Variants in CA2 observed in about 807,000 individuals in gnomAD.
The protein encoded by CA2 is carbonate dehydratase II.
A neutral mutation model predicts 27.8 loss-of-function variants in CA2; 23 were observed. The observed-to-expected ratio is 0.83, with a 90% CI of 0.59 to 1.17. The LOEUF is 1.17. CA2 is among the 50% of genes most tolerant of loss of function. The pLI, the probability that CA2 is intolerant of heterozygous loss-of-function variation, is 0.00. For synonymous variants in CA2, 99 were observed against 114.9 expected, an observed-to-expected ratio of 0.86 and a Z score of 0.88; for missense variants, 300 against 314.7, an observed-to-expected ratio of 0.95 and a Z score of 0.35.
chr8:85,468,756 C>T lies in CA2; in HGVS notation c.232+3287C>T, dbSNP rs185085658. Among the ~76,000 whole-genome samples the T allele has an allele frequency of 1.4e-3, 207 of 151,664 alleles. 1 individual carries two copies. The highest frequency in any genetic ancestry group is 4.9e-3 in the African/African-American group (201 of 41,082). On this transcript the variant is annotated intron_variant, in intron 2 of 6. Transcript: ENST00000285379. ...GCCTGGTGACAGAACGAGACTCCAT[C>T]TCAAAACAAACAAACAAACAAAAAA...
intron 6 of CA2, among the ~76,000 whole-genome samples, chr8:85,480,427 T>TTG (rs1218759940): frequency 7.7e-4 from 109 of 142,012 alleles, no homozygotes; most frequent in East Asian, 7.6e-3. Context: ...TGTTTAATTT[T>TTG]TGTGTGTGTG....
intron 1 of CA2, chr8:85,464,540 C>T (rs1811591134): frequency 6.4e-6 from 1 of 156,010 alleles, no homozygotes; most frequent in African/African-American, 2.5e-5. Context: ...CCCCCCTCCC[C>T]CACCTTCCAC....
rs1811698381 is a variant in CA2, at chr8:85,470,448, GTTTA to G, written c.233-3239_233-3236del. On this transcript the variant is annotated intron_variant, in intron 2 of 6. Coordinates refer to ENST00000285379, the MANE Select transcript of CA2 (RefSeq NM_000067.3). ...TTTAAACTAAAGATTACTGGGACTAGTTTATTTATATTTTGGACTTAGGAGAAAC... is the reference window on the plus strand; with the variant it reads ...TTTAAACTAAAGATTACTGGGACTAGTTTATATTTTGGACTTAGGAGAAAC... Among the ~76,000 whole-genome samples the G allele has an allele frequency of 3.3e-5, 5 of 152,060 alleles. No homozygotes were observed. In the South Asian group the frequency reaches 1.0e-3, roughly 31 times the overall value.
At chr8:85,474,288 A>G (rs1370783984) in intron 3 of CA2, 36 bp from the exon 4 acceptor site, 1 of 1,425,492 alleles carries the variant, frequency 7.0e-7, no homozygotes. Flanking sequence ...TTGATTATGT[A>G]AATCACTCAC....
In CA2 at chr8:85,481,216, T is replaced by C. The variant is rs1811886225; in HGVS notation, c.*427T>C. 6.2e-6 allele frequency: 1 copy of C among 160,868 alleles called. No homozygotes were observed. The highest frequency in any genetic ancestry group is 6.0e-5 in the Admixed American group (1 of 16,704). 10.0% of individuals were successfully genotyped at this position (160,868 alleles called of 1,614,324 possible). ...ATCAGGTAAAATAGTCATGATTCTATGTAATGTAAACCAGAAAAAATAAAT... is the reference window on the plus strand; with the variant it reads ...ATCAGGTAAAATAGTCATGATTCTACGTAATGTAAACCAGAAAAAATAAAT... On this transcript the variant is annotated 3_prime_UTR_variant, in exon 7 of 7. Transcript: ENST00000285379.
In CA2 at chr8:85,480,895, T is replaced by C. The variant is rs1811882171; in HGVS notation, c.*106T>C. The C allele has an allele frequency of 8.6e-7, 1 of 1,159,306 alleles. No homozygotes were observed. Among genetic ancestry groups the C allele is most frequent in the Non-Finnish European group, 1.3e-6 (1 of 782,340 alleles). 71.8% of individuals were successfully genotyped at this position (1,159,306 alleles called of 1,614,324 possible). On this transcript the variant is annotated 3_prime_UTR_variant, in exon 7 of 7. Coordinates refer to ENST00000285379, the MANE Select transcript of CA2 (RefSeq NM_000067.3). ...GGACCCTGGTTGCTTTGTGTCTAGT[T>C]TTCTAGACCCTTCATCTCTTACTTG...
intron 6 of CA2, 133 bp downstream of exon 6, chr8:85,477,408 TG>T (rs2130564669): frequency 1.0e-6 from 1 of 991,550 alleles, no homozygotes; most frequent in African/African-American, 1.6e-5. Flanking sequence ...ATAGTGCCTT[TG>T]ATGGTGCCTA....
chr8:85,480,758 A>C lies in CA2; in HGVS notation c.752A>C (p.Lys251Thr). The C allele has an allele frequency of 6.2e-7, 1 of 1,613,976 alleles. No homozygotes were observed. The highest frequency in any genetic ancestry group is 1.1e-5 in the South Asian group (1 of 91,080). Reference sequence around the variant, plus strand: ...AACTGGCGCCCAGCTCAGCCACTGAAGAACAGGCAAATCAAAGCTTCCTTC... The same window carrying C: ...AACTGGCGCCCAGCTCAGCCACTGACGAACAGGCAAATCAAAGCTTCCTTC... ...VDNWRPAQPLKNRQIKASFK is the reference protein window; with the variant it reads ...VDNWRPAQPLTNRQIKASFK The change falls in exon 7 of 7, where the codon AAG becomes ACG. Residue 251 changes from lysine to threonine, a missense_variant. This residue lies in a region of CA2 where 173 missense variants were observed against 161.0 expected (regional missense o/e 1.07). Coordinates refer to ENST00000285379, the MANE Select transcript of CA2 (RefSeq NM_000067.3).
intron 4 of CA2, 35 bp downstream of exon 4, chr8:85,474,451 T>C (rs898353622): frequency 1.4e-6 from 2 of 1,433,820 alleles, no homozygotes; most frequent in African/African-American, 2.8e-5. Flanking sequence ...TTTTCCCTAT[T>C]TTTAATAAAG....
intron 2 of CA2, 68 bp downstream of exon 2, chr8:85,465,537 C>T: frequency 3.2e-6 from 4 of 1,260,472 alleles, no homozygotes; most frequent in Non-Finnish European, 4.5e-6. Context: ...TGGAAGGAGC[C>T]AGGAACAGTG....
Position 85,466,211 on chromosome 8 carries a change from A to C in CA2, c.232+742A>C, listed in dbSNP as rs550507467. ...TCTCTCTCTCTTTTGAAACAAGAGA[A>C]CAATCCCATTCACACATAGTAGCTG... On this transcript the variant is annotated intron_variant, in intron 2 of 6. Transcript: ENST00000285379. 6.6e-5 allele frequency among the ~76,000 whole-genome samples: 10 copies of C among 151,200 alleles called. No individual in the cohort carries two copies. The South Asian group carries it at 2.1e-3, about 32-fold the overall frequency.
At position 85,480,723 on chromosome 8, in the gene CA2, G is replaced by A. The variant is rs1811878350; in HGVS notation, c.717G>A (p.Leu239=). 1 of 1,613,820 alleles carries A rather than the reference G, an allele frequency of 6.2e-7. No homozygotes were observed. The highest frequency in any genetic ancestry group is 1.7e-5 in the Admixed American group (1 of 59,960). The part of the protein sequence containing the change: ...NFNGEGEPEE[L]MVDNWRPAQP... ...ATGGGGAGGGTGAACCCGAAGAACT[G>A]ATGGTGGACAACTGGCGCCCAGCTC... Residue 239 remains leucine, a synonymous_variant, in exon 7 of 7, where the codon CTG becomes CTA. Transcript: ENST00000285379.
At chr8:85,473,471 A>G (rs1811738999) in intron 2 of CA2, 4 of 657,860 alleles carry the variant, frequency 6.1e-6, no homozygotes, top group Admixed American at 4.1e-5. Context: ...AAAAACAGGT[A>G]AAGTGATTTT....
intron 1 of CA2, chr8:85,464,978 G>A (rs1474930919): frequency 3.1e-6 from 1 of 326,034 alleles, no homozygotes; most frequent in Non-Finnish European, 5.7e-6. Context: ...CTGAATTTCA[G>A]TAAAACGACC....
rs1222995545 is a variant in CA2, at chr8:85,480,731, A to G, written c.725A>G (p.Asp242Gly). 4.3e-6 allele frequency: 7 copies of G among 1,613,984 alleles called. No individual in the cohort carries two copies. The highest frequency in any genetic ancestry group is 2.2e-5 in the East Asian group (1 of 44,876). The change falls in exon 7 of 7, where the codon GAC (aspartate) becomes GGC (glycine). Residue 242 changes from aspartate (D) to glycine (G), a missense_variant. Transcript: ENST00000285379. Reference protein sequence around the residue: ...GEGEPEELMVDNWRPAQPLKN... With the variant: ...GEGEPEELMVGNWRPAQPLKN... ...GGTGAACCCGAAGAACTGATGGTGG[A>G]CAACTGGCGCCCAGCTCAGCCACTG... is the stretch of plus-strand genomic sequence containing the variant.
intron 6 of CA2, among the ~76,000 whole-genome samples, chr8:85,480,161 T>C (rs1811865747): frequency 6.6e-6 from 1 of 152,208 alleles, no homozygotes; most frequent in Non-Finnish European, 1.5e-5. Context: ...AAAGCATACA[T>C]ACATAATCTA....
intron 2 of CA2, among the ~76,000 whole-genome samples, chr8:85,466,508 T>A (rs1038454271): frequency 6.6e-6 from 1 of 152,108 alleles, no homozygotes; most frequent in Admixed American, 6.6e-5. Flanking sequence ...GAAAAAAGAA[T>A]TCTTCCCTCC....
intron 2 of CA2, 67 bp from the exon 3 acceptor site, chr8:85,473,625 AC>A: frequency 1.3e-6 from 1 of 765,276 alleles, no homozygotes; most frequent in Non-Finnish European, 2.4e-6. Flanking sequence ...ATGTGTGTAT[AC>A]CTATGTATAT....
intron 2 of CA2, among the ~76,000 whole-genome samples, chr8:85,472,877 G>A (rs1161038216): frequency 6.6e-6 from 1 of 151,662 alleles, no homozygotes; most frequent in Non-Finnish European, 1.5e-5. Context: ...TGTAATCCCA[G>A]CTACTCGGGA....
Sources: allele counts gnomAD v4.1 joint callset (sites outside exome capture counted in the v4.1 genomes callset), GRCh38; gene constraint gnomAD v4.1.1; regional missense constraint gnomAD v4.1.1; transcripts MANE v1.5; gene names NCBI Gene and HGNC (gene_info 2026-07-23, HGNC 2026-07-21).